RAPGEF4: variants seen among roughly 807,000 people sequenced by gnomAD.
RAPGEF4 encodes Rap guanine nucleotide exchange factor 4.
A neutral mutation model predicts 147.9 loss-of-function variants in RAPGEF4; 66 were observed. The observed-to-expected ratio is 0.45, with a 90% CI of 0.37 to 0.55. RAPGEF4 has a LOEUF of 0.55. RAPGEF4 is among the 20% of genes least tolerant of loss of function. The pLI, the probability that RAPGEF4 is intolerant of heterozygous loss-of-function variation, is 0.00. For missense variants in RAPGEF4, 1,071 were observed against 1,257.3 expected, an observed-to-expected ratio of 0.85 and a Z score of 2.24; for synonymous variants, 419 against 442.7, an observed-to-expected ratio of 0.95 and a Z score of 0.67.
chr2:172,853,563 G>A (rs145874430), intron 4 of RAPGEF4, among the ~76,000 whole-genome samples: 23 of 151,544 alleles, frequency 1.5e-4, no homozygotes, highest in African/African-American at 3.9e-4. Context: ...AAATTCCTTC[G>A]TTCCTTCTCT....
At chr2:172,914,088 A>G (rs1683759444) in intron 4 of RAPGEF4, among the ~76,000 whole-genome samples, 1 of 152,174 alleles carries the variant, frequency 6.6e-6, no homozygotes, top group African/African-American at 2.4e-5. Flanking sequence ...ATTCTTTGTC[A>G]TGGCGTCATA....
At chr2:172,783,512 G>A (rs183296774) in intron 1 of RAPGEF4, among the ~76,000 whole-genome samples, 7 of 152,274 alleles carry the variant, frequency 4.6e-5, no homozygotes, top group South Asian at 2.1e-4. Flanking sequence ...GTCTTGGTGT[G>A]CCCTGTCTGA....
intron 1 of RAPGEF4, among the ~76,000 whole-genome samples, chr2:172,779,382 G>C (rs907340526): frequency 2.6e-5 from 4 of 152,160 alleles, no homozygotes; most frequent in African/African-American, 9.7e-5. Context: ...CTTACAGTAG[G>C]CAAGGGCATG....
chr2:173,018,796 G>A lies in RAPGEF4; in HGVS notation c.2149G>A (p.Gly717Arg), dbSNP rs774211535. 23 of 1,613,142 alleles carry A rather than the reference G, an allele frequency of 1.4e-5. No individual in the cohort carries two copies. The highest frequency in any genetic ancestry group is 1.7e-4 in the Middle Eastern group (1 of 6,048). The change falls in exon 22 of 31, where the codon GGA becomes AGA. Residue 717 changes from glycine (G) to arginine (R), a missense_variant. Gly to Arg is a moderately radical substitution (Grantham distance 125). Coordinates refer to ENST00000397081, the MANE Select transcript of RAPGEF4 (RefSeq NM_007023.4). ...CCTGATCATAGTCAAGATGAGTTCC[G>A]GAGGAGGTAACAGTCTTAATTCATA... is the stretch of plus-strand genomic sequence containing the variant. ...EGLIIVKMSS[G>R]GEKVVLKPND...
At chr2:172,936,150 C>T (rs947314519) in intron 6 of RAPGEF4, among the ~76,000 whole-genome samples, 9 of 152,140 alleles carry the variant, frequency 5.9e-5, no homozygotes, top group Non-Finnish European at 1.3e-4. Flanking sequence ...GGGTGGGTTG[C>T]CTGAGCTCAG....
intron 12 of RAPGEF4, among the ~76,000 whole-genome samples, chr2:172,986,315 G>T (rs1159246327): frequency 6.6e-6 from 1 of 152,188 alleles, no homozygotes; most frequent in Non-Finnish European, 1.5e-5. Context: ...CTTTTTGCAT[G>T]GACACCTGTT....
At position 172,892,692 on chromosome 2, in the gene RAPGEF4, C is replaced by T. The variant is rs141031902; in HGVS notation, c.445-25110C>T. 3.2e-3 allele frequency among the ~76,000 whole-genome samples: 495 copies of T among 152,362 alleles called. 5 individuals are homozygous for T. Among genetic ancestry groups the T allele is most frequent in the South Asian group, 0.016 (78 of 4,824 alleles). ...CCCAGTGGGATAGCTAGCTCCTTAA[C>T]ACAGCCTGCTTTCTTTCCTTCCTTC... On this transcript the variant is annotated intron_variant, in intron 4 of 30. Coordinates refer to ENST00000397081, the MANE Select transcript of RAPGEF4 (RefSeq NM_007023.4).
At chr2:172,813,739 G>C (rs976607954) in intron 3 of RAPGEF4, among the ~76,000 whole-genome samples, 2 of 151,540 alleles carry the variant, frequency 1.3e-5, no homozygotes, top group Non-Finnish European at 2.9e-5. Context: ...TCTGAAAACA[G>C]ATAGTAGTTG....
intron 1 of RAPGEF4, among the ~76,000 whole-genome samples, chr2:172,772,277 T>C (rs1376610240): frequency 6.6e-6 from 1 of 152,066 alleles, no homozygotes; most frequent in East Asian, 1.9e-4. Context: ...ATGAATGTAG[T>C]TAAAACAGAA....
intron 3 of RAPGEF4, among the ~76,000 whole-genome samples, chr2:172,810,951 T>G (rs1239155527): frequency 6.6e-6 from 1 of 152,138 alleles, no homozygotes; most frequent in Non-Finnish European, 1.5e-5. Flanking sequence ...AGAGATGATC[T>G]TGGGAAATAT....
chr2:172,946,504 C>G (rs1046295074), intron 6 of RAPGEF4, among the ~76,000 whole-genome samples: 8 of 152,302 alleles, frequency 5.3e-5, no homozygotes, highest in African/African-American at 1.9e-4. Context: ...TACACTTTCT[C>G]TCACCTCCTC....
intron 17 of RAPGEF4, among the ~76,000 whole-genome samples, chr2:173,010,551 G>A (rs1295453206): frequency 6.6e-6 from 1 of 152,136 alleles, no homozygotes. Context: ...TTTTTAGATT[G>A]CACTTTTGAC....
At chr2:172,825,238 C>T (rs192068924) in intron 4 of RAPGEF4, among the ~76,000 whole-genome samples, 8 of 152,292 alleles carry the variant, frequency 5.3e-5, no homozygotes, top group Admixed American at 3.3e-4. Context: ...TACAGTTGGC[C>T]AAATCATCTA....
intron 4 of RAPGEF4, among the ~76,000 whole-genome samples, chr2:172,826,779 C>T (rs908974366): frequency 6.6e-6 from 1 of 151,980 alleles, no homozygotes; most frequent in Non-Finnish European, 1.5e-5. Flanking sequence ...TCAGCCTGGA[C>T]AACATGGTGA....
intron 6 of RAPGEF4, among the ~76,000 whole-genome samples, chr2:172,948,385 T>C (rs973934584): frequency 8.5e-5 from 13 of 152,330 alleles, no homozygotes; most frequent in African/African-American, 2.9e-4. Context: ...GTGCATACCA[T>C]AACTTCTAGG....
Position 172,968,093 on chromosome 2 carries a change from C to T in RAPGEF4, c.1004+649C>T, listed in dbSNP as rs74464494. Among the ~76,000 whole-genome samples the T allele has an allele frequency of 6.1e-3, 927 of 152,280 alleles. 14 individuals carry two copies. The highest frequency in any genetic ancestry group is 0.021 in the African/African-American group (884 of 41,556). On this transcript the variant is annotated intron_variant, in intron 10 of 30. Transcript: ENST00000397081. ...CACTCAGAAAGAATGTATTATTAAG[C>T]CCCCGTTTGATGCAGGGCACTCCAC...
chr2:172,930,761 G>C (rs1031997706), intron 6 of RAPGEF4, among the ~76,000 whole-genome samples: 27 of 152,168 alleles, frequency 1.8e-4, no homozygotes, highest in African/African-American at 6.5e-4. Context: ...ACCTAAGCCT[G>C]TGGGATTCAA....
chr2:172,846,059 C>T (rs1692149619), intron 4 of RAPGEF4, among the ~76,000 whole-genome samples: 1 of 152,210 alleles, frequency 6.6e-6, no homozygotes, highest in Non-Finnish European at 1.5e-5. Context: ...TAGCTTATGA[C>T]TCCCTTTGCA....
chr2:173,042,877 C>T lies in RAPGEF4; in HGVS notation c.2854-5723C>T, dbSNP rs887112226. Among the ~76,000 whole-genome samples, 3 of 152,174 alleles carry T rather than the reference C, an allele frequency of 2.0e-5. No individual in the cohort carries two copies. Among genetic ancestry groups the T allele is most frequent in the Non-Finnish European group, 4.4e-5 (3 of 68,032 alleles). On this transcript the variant is annotated intron_variant, in intron 29 of 30. Transcript: ENST00000397081. The surrounding 1 kb of genome is among the most constrained non-coding windows in gnomAD (Gnocchi z 4.2). ...CATGGTCATCATATATACCACATAC[C>T]GTAAGCATCATGCATGTGTTACACA...
Sources: gnomAD v4.1 joint callset for allele counts (sites outside exome capture counted in the v4.1 genomes callset) on GRCh38, gnomAD v4.1.1 for gene constraint, Gnocchi (gnomAD v3.1) non-coding constraint, MANE v1.5 for transcripts, NCBI Gene and HGNC (gene_info 2026-07-23, HGNC 2026-07-21) for gene names.